MAT1A: variants seen among roughly 807,000 people sequenced by gnomAD.
The protein encoded by MAT1A is S-adenosylmethionine synthase isoform type-1.
In MAT1A, 19 loss-of-function variants were observed where a neutral mutation model predicts 44.0. That is an observed-to-expected ratio of 0.43 (90% CI 0.30 to 0.63). The LOEUF (loss-of-function observed/expected upper bound fraction) is 0.63. Ranked by LOEUF, MAT1A falls within the 30% of genes least tolerant of loss-of-function variation. MAT1A has a pLI of 0.12. For synonymous variants in MAT1A, 205 were observed against 205.6 expected (o/e 1.00, Z 0.03); for missense variants, 397 against 531.0 (o/e 0.75, Z 2.48).
rs1335111305 is a variant in MAT1A, at chr10:80,283,880, G to A, written c.292+36C>T. On this transcript the variant is annotated intron_variant, in intron 3 of 8. Coordinates refer to ENST00000372213, the MANE Select transcript of MAT1A (RefSeq NM_000429.3). The stretch of plus-strand genomic sequence containing the variant: ...GCACTGGGGTCTCTATCAGCAGAGA[G>A]CAACAGGGATTTCAGACCCGGAGGC... 2.5e-6 allele frequency: 4 copies of A among 1,612,910 alleles called. No homozygotes were observed. In the African/African-American group the frequency reaches 5.3e-5, roughly 22 times the overall value.
rs968452036 is a variant in MAT1A at position 80,284,143 on chromosome 10, G to C, written c.170-105C>G. 4 of 1,440,434 alleles carry C rather than the reference G, an allele frequency of 2.8e-6. No individual in the cohort carries two copies. In the South Asian group the frequency reaches 4.8e-5, roughly 17 times the overall value. 89.2% of individuals were successfully genotyped at this position (1,440,434 alleles called of 1,614,324 possible). ...TGCAGACAGAAAAGACACAGGAGGG[G>C]CCTTACGAGGAATGGATTCCAGAAG... On this transcript the variant is annotated intron_variant, in intron 2 of 8. Transcript: ENST00000372213.
chr10:80,284,318 A>G, intron 2 of MAT1A, among the ~76,000 whole-genome samples: 1 of 152,174 alleles, frequency 6.6e-6, no homozygotes, highest in East Asian at 1.9e-4. Context: ...TATTTAATAA[A>G]GCTATTTATA....
intron 4 of MAT1A, 94 bp from the exon 5 acceptor site, chr10:80,280,410 G>T: frequency 1.3e-6 from 2 of 1,481,484 alleles, no homozygotes; most frequent in South Asian, 1.2e-5. Flanking sequence ...TGTCCACGTT[G>T]ATTGGGTGCC....
chr10:80,284,059 A>G, intron 2 of MAT1A, 21 bp from the exon 3 acceptor site: 1 of 1,613,100 alleles, frequency 6.2e-7, no homozygotes, highest in Non-Finnish European at 8.5e-7. Context: ...GCGGGGAGCG[A>G]GGAGAGTTAG....
In MAT1A at chr10:80,284,027, T is replaced by C. The variant is rs116443228; in HGVS notation, c.181A>G (p.Lys61Glu). The C allele has an allele frequency of 6.2e-7, 1 of 1,614,144 alleles. No individual in the cohort carries two copies. The highest frequency in any genetic ancestry group is 8.5e-7 in the Non-Finnish European group (1 of 1,180,020). Residue 61 changes from lysine to glutamate, a missense_variant, in exon 3 of 9, where the codon AAG (lysine) becomes GAG (glutamate). Physicochemically the swap from Lys to Glu is moderately conservative, Grantham distance 56. Transcript: ENST00000372213. ...NAKVACETVC[K>E]TGMVLLCGEI... is the part of the protein sequence containing the mutation. ...CCACACAGCAGCACCATGCCGGTCT[T>C]GCACACTGTCTCTGAAAGGGAGCGG...
At chr10:80,284,167 A>T (rs951315332) in intron 2 of MAT1A, 129 bp from the exon 3 acceptor site, 1 of 1,220,720 alleles carries the variant, frequency 8.2e-7, no homozygotes, top group Non-Finnish European at 1.2e-6. Context: ...GGATTCCAGA[A>T]GGAAAATAGA....
intron 6 of MAT1A, among the ~76,000 whole-genome samples, 193 bp downstream of exon 6, chr10:80,276,183 T>G (rs1791878956): frequency 6.6e-6 from 1 of 152,028 alleles, no homozygotes; most frequent in Non-Finnish European, 1.5e-5. Context: ...TTGCACACTG[T>G]CAGACACATA....
intron 4 of MAT1A, 125 bp from the exon 5 acceptor site, chr10:80,280,441 T>C: frequency 3.2e-6 from 4 of 1,260,786 alleles, no homozygotes; most frequent in Admixed American, 3.8e-5. Context: ...AGCTTTCCAC[T>C]GGCATGTGCA....
rs1985908 is a variant in MAT1A at position 80,272,484 on chromosome 10, A to G, written c.*1297T>C. The G allele has an allele frequency of 0.36, 54,078 of 152,072 alleles. 10,751 individuals are homozygous for G. Among genetic ancestry groups the G allele is most frequent in the East Asian group, 0.95 (4,882 of 5,156 alleles). The allele number at this position is 152,072 out of a possible 1,614,324, so 9.4% of individuals were successfully genotyped here. ...CTCATGACGTCTCAGAAGCTTGTCC[A>G]ACACCAGAAGGCAAGCCCCGCCTAT... is the stretch of plus-strand genomic sequence containing the variant. On this transcript the variant is annotated 3_prime_UTR_variant, in exon 9 of 9. Transcript: ENST00000372213.
At chr10:80,286,508 C>T (rs896505447) in intron 1 of MAT1A, among the ~76,000 whole-genome samples, 1 of 152,180 alleles carries the variant, frequency 6.6e-6, no homozygotes, top group Non-Finnish European at 1.5e-5. Context: ...TCCCGAAAGC[C>T]AGGTGTCCTT....
At chr10:80,278,251 G>A (rs1841516721) in intron 5 of MAT1A, among the ~76,000 whole-genome samples, 1 of 152,012 alleles carries the variant, frequency 6.6e-6, no homozygotes, top group African/African-American at 2.4e-5. Flanking sequence ...CCCTAAAAGA[G>A]CCCATCCCAC....
intron 1 of MAT1A, among the ~76,000 whole-genome samples, chr10:80,287,408 A>AATGTCATTCC (rs1841662903): frequency 6.6e-6 from 1 of 152,232 alleles, no homozygotes. Flanking sequence ...AGCAGAGAGG[A>AATGTCATTCC]ATTCAGCAAT....
chr10:80,275,137 A>G lies in MAT1A; in HGVS notation c.831T>C (p.His277=). 6.2e-7 allele frequency: 1 copy of G among 1,613,052 alleles called. No homozygotes were observed. The highest frequency in any genetic ancestry group is 8.5e-7 in the Non-Finnish European group (1 of 1,179,666). ...CCTTCCCAGAGAAGGCCCCACCACCATGAGCCCCCCAGCCGCCATAGGTGT... is the reference window on the plus strand; with the variant it reads ...CCTTCCCAGAGAAGGCCCCACCACCGTGAGCCCCCCAGCCGCCATAGGTGT... ...IVDTYGGWGA[H]GGGAFSGKDY... Residue 277 remains histidine, a synonymous_variant, in exon 7 of 9, where the codon CAT becomes CAC. Transcript: ENST00000372213.
At chr10:80,273,981 C>G in intron 8 of MAT1A, 98 bp from the exon 9 acceptor site, 1 of 862,118 alleles carries the variant, frequency 1.2e-6, no homozygotes, top group Non-Finnish European at 2.0e-6. Flanking sequence ...AACTGTAACA[C>G]AGCCCTCCTC....
At chr10:80,289,008 G>A (rs1311131224) in intron 1 of MAT1A, among the ~76,000 whole-genome samples, 1 of 152,102 alleles carries the variant, frequency 6.6e-6, no homozygotes, top group Non-Finnish European at 1.5e-5. Context: ...AAGAGCTCTG[G>A]TAAAAGTGAC....
intron 5 of MAT1A, among the ~76,000 whole-genome samples, chr10:80,279,786 C>T (rs1841536433): frequency 6.6e-6 from 1 of 151,640 alleles, no homozygotes; most frequent in Non-Finnish European, 1.5e-5. Context: ...AGCGCAGACA[C>T]AGCACAGACA....
intron 5 of MAT1A, among the ~76,000 whole-genome samples, chr10:80,279,607 A>T (rs1360457645): frequency 6.6e-6 from 1 of 152,122 alleles, no homozygotes; most frequent in African/African-American, 2.4e-5. Context: ...TCAGCCTTCA[A>T]ATATAGGCCT....
intron 1 of MAT1A, among the ~76,000 whole-genome samples, chr10:80,286,801 T>A (rs1205306312): frequency 6.6e-6 from 1 of 152,240 alleles, no homozygotes; most frequent in Non-Finnish European, 1.5e-5. Flanking sequence ...TATGTTTTTG[T>A]TAAGAATCCA....
chr10:80,276,757 C>T lies in MAT1A; in HGVS notation c.550-163G>A, dbSNP rs146105627. On this transcript the variant is annotated intron_variant, in intron 5 of 8. Coordinates refer to ENST00000372213, the MANE Select transcript of MAT1A (RefSeq NM_000429.3). ...GGGGAGTTAATCTGACACATTCTTA[C>T]GTTCAAAAAATTGCCTGGTGCTGTG... Among the ~76,000 whole-genome samples the T allele has an allele frequency of 7.6e-3, 1,154 of 152,286 alleles. 5 individuals carry two copies. Among genetic ancestry groups the T allele is most frequent in the Middle Eastern group, 0.014 (4 of 294 alleles).
Sources: gnomAD v4.1 joint callset for allele counts (sites outside exome capture counted in the v4.1 genomes callset) on GRCh38, gnomAD v4.1.1 for gene constraint, MANE v1.5 for transcripts, NCBI Gene and HGNC (gene_info 2026-07-23, HGNC 2026-07-21) for gene names.